COL13A1: variants seen among roughly 807,000 people sequenced by gnomAD.
COL13A1 encodes collagen alpha-1(XIII) chain.
A neutral mutation model predicts 130.9 loss-of-function variants in COL13A1; 89 were observed. The ratio of observed to expected loss-of-function variants is 0.68; its 90% CI spans 0.57 to 0.81. The LOEUF (loss-of-function observed/expected upper bound fraction) is 0.81. Among genes scored for constraint, COL13A1 ranks in the 30% least tolerant of loss-of-function variants. The pLI is 0.00. For missense variants in COL13A1, 879 were observed against 934.6 expected (o/e 0.94, Z 0.78); for synonymous variants, 402 against 341.6 (o/e 1.18, Z -1.95).
At chr10:69,808,123 C>G (rs1362040291) in intron 1 of COL13A1, among the ~76,000 whole-genome samples, 1 of 152,166 alleles carries the variant, frequency 6.6e-6, no homozygotes, top group Non-Finnish European at 1.5e-5. Flanking sequence ...CAAAGGTCTT[C>G]GAACTAGCAG....
intron 3 of COL13A1, among the ~76,000 whole-genome samples, chr10:69,869,815 T>C (rs2058880204): frequency 1.3e-5 from 2 of 152,242 alleles, no homozygotes; most frequent in African/African-American, 4.8e-5. Context: ...ACTATGAGAC[T>C]GAAAACAGAT....
intron 39 of COL13A1, chr10:69,954,903 T>G (rs1331430725): frequency 6.6e-6 from 1 of 152,374 alleles, no homozygotes; most frequent in Non-Finnish European, 1.5e-5. Context: ...GGTAGCAGTT[T>G]ATTCCCGCCT....
chr10:69,826,743 C>T (rs375386321), intron 2 of COL13A1, among the ~76,000 whole-genome samples: 5 of 152,178 alleles, frequency 3.3e-5, no homozygotes, highest in African/African-American at 1.2e-4. Context: ...AATACAAGGA[C>T]TTAGACAAGG....
intron 2 of COL13A1, among the ~76,000 whole-genome samples, chr10:69,839,982 G>T (rs981973588): frequency 6.6e-6 from 1 of 152,224 alleles, no homozygotes; most frequent in Non-Finnish European, 1.5e-5. Context: ...GATTACAAAG[G>T]CAGAGTGGAG....
chr10:69,833,349 G>T (rs1194678511), intron 2 of COL13A1, among the ~76,000 whole-genome samples: 1 of 152,204 alleles, frequency 6.6e-6, no homozygotes, highest in African/African-American at 2.4e-5. Context: ...CTCAGCCCAG[G>T]CCAGGAATCA....
intron 2 of COL13A1, among the ~76,000 whole-genome samples, chr10:69,848,463 G>A (rs566098747): frequency 2.8e-4 from 42 of 152,282 alleles, no homozygotes; most frequent in South Asian, 1.0e-3. Context: ...CTTGCCTGGG[G>A]CTCTGGAGCT....
rs545181028 is a variant in COL13A1 at position 69,835,360 on chromosome 10, A to G, written c.364+12922A>G. Reference sequence around the variant, plus strand: ...CTAGAAGGTGGGACATGCCAGACCCATGGATGCAGTCCCTGGCTCTTCCTC... The same window carrying G: ...CTAGAAGGTGGGACATGCCAGACCCGTGGATGCAGTCCCTGGCTCTTCCTC... On this transcript the variant is annotated intron_variant, in intron 2 of 40. Transcript: ENST00000645393. Among the ~76,000 whole-genome samples, 3 of 152,184 alleles carry G rather than the reference A, an allele frequency of 2.0e-5. No homozygotes were observed. In the East Asian group the frequency reaches 5.8e-4, roughly 29 times the overall value.
chr10:69,888,852 C>T (rs553897785), intron 9 of COL13A1, among the ~76,000 whole-genome samples: 7 of 152,248 alleles, frequency 4.6e-5, no homozygotes, highest in Admixed American at 3.9e-4. Context: ...TTCCCTGACA[C>T]AAATGTTCAT....
At chr10:69,933,643 ATG>A in intron 31 of COL13A1, among the ~76,000 whole-genome samples, 1 of 152,200 alleles carries the variant, frequency 6.6e-6, no homozygotes, top group East Asian at 1.9e-4. Context: ...TGATTGTACA[ATG>A]TGTATGGTAC....
chr10:69,837,719 T>C (rs747271630), intron 2 of COL13A1, among the ~76,000 whole-genome samples: 12 of 152,200 alleles, frequency 7.9e-5, no homozygotes, highest in Admixed American at 1.3e-4. Flanking sequence ...TCATCCTCCA[T>C]GTTGTCCCCC....
chr10:69,903,922 A>G (rs1159416498), intron 15 of COL13A1, among the ~76,000 whole-genome samples: 1 of 152,110 alleles, frequency 6.6e-6, no homozygotes, highest in Non-Finnish European at 1.5e-5. Context: ...TTTCAATCTC[A>G]AAGCTTGTTA....
At position 69,935,382 on chromosome 10, in the gene COL13A1, C is replaced by A; in HGVS notation, c.1761C>A (p.Pro587=). ...GGCTGCCAGGGCCAGAGGGGCCTCC[C>A]GGACCTCCGGTAAGTTTGGAGGGCT... The part of the protein sequence containing the change: ...VPGLPGPEGP[P]GPPGLQGVPG... Residue 587 remains proline (P), a synonymous_variant, in exon 32 of 41, where the codon CCC becomes CCA. Coordinates refer to ENST00000645393, the MANE Select transcript of COL13A1 (RefSeq NM_001368882.1). 1.3e-6 allele frequency: 2 copies of A among 1,567,134 alleles called. No individual in the cohort carries two copies. The highest frequency in any genetic ancestry group is 2.3e-5 in the East Asian group (1 of 42,612).
At chr10:69,888,986 C>T (rs988804802) in intron 9 of COL13A1, among the ~76,000 whole-genome samples, 1 of 152,208 alleles carries the variant, frequency 6.6e-6, no homozygotes, top group Non-Finnish European at 1.5e-5. Context: ...CCCCGCCACT[C>T]GCCTCTCTCA....
rs187389857 is a variant in COL13A1 at position 69,907,009 on chromosome 10, G to A, written c.921+1187G>A. Among the ~76,000 whole-genome samples the A allele has an allele frequency of 5.3e-5, 8 of 152,306 alleles. No individual in the cohort carries two copies. In the East Asian group the frequency reaches 1.4e-3, roughly 26 times the overall value. On this transcript the variant is annotated intron_variant, in intron 17 of 40. Coordinates refer to ENST00000645393, the MANE Select transcript of COL13A1 (RefSeq NM_001368882.1). ...CTCCCAAAGTGCTGGGATTACAGGC[G>A]TGAGCCACCGCGCCCAGTTATGGCC...
chr10:69,876,661 C>T (rs528642778), intron 5 of COL13A1, among the ~76,000 whole-genome samples: 8 of 152,196 alleles, frequency 5.3e-5, no homozygotes, highest in East Asian at 1.9e-4. Flanking sequence ...AGCAGGGAAA[C>T]GTGATTCAAC....
chr10:69,808,464 G>A (rs776418591), intron 1 of COL13A1, among the ~76,000 whole-genome samples: 9 of 151,998 alleles, frequency 5.9e-5, no homozygotes, highest in Non-Finnish European at 1.0e-4. Flanking sequence ...TATCCCAAAC[G>A]GTAGCAGATA....
At chr10:69,880,482 C>A in intron 6 of COL13A1, 21 bp from the exon 7 acceptor site, 2 of 1,469,940 alleles carry the variant, frequency 1.4e-6, no homozygotes, top group Admixed American at 1.7e-5. Context: ...GCTCCCTCTC[C>A]CCCTTCCTCT....
At chr10:69,899,775 G>T (rs1255540302) in intron 14 of COL13A1, among the ~76,000 whole-genome samples, 1 of 152,180 alleles carries the variant, frequency 6.6e-6, no homozygotes, top group Non-Finnish European at 1.5e-5. Flanking sequence ...CTGCCCCTGT[G>T]CTCCTCACCT....
intron 10 of COL13A1, 53 bp downstream of exon 10, chr10:69,889,493 T>G (rs2060952108): frequency 1.9e-6 from 3 of 1,597,642 alleles, no homozygotes; most frequent in Non-Finnish European, 2.6e-6. Flanking sequence ...TGGCCCAGCC[T>G]CACAGGCACA....
Sources: gnomAD v4.1 joint callset for allele counts (sites outside exome capture counted in the v4.1 genomes callset) on GRCh38, gnomAD v4.1.1 for gene constraint, MANE v1.5 for transcripts, NCBI Gene and HGNC (gene_info 2026-07-23, HGNC 2026-07-21) for gene names.